MYLK: variants seen among roughly 807,000 people sequenced by gnomAD.
The protein encoded by MYLK is myosin light chain kinase, smooth muscle.
In MYLK, 106 loss-of-function variants were observed where a neutral mutation model predicts 203.4. The ratio of observed to expected loss-of-function variants is 0.52; its 90% CI spans 0.45 to 0.61. The LOEUF (loss-of-function observed/expected upper bound fraction) is 0.61. MYLK is among the 20% of genes least tolerant of loss of function. MYLK has a pLI of 0.00. For missense variants in MYLK, 2,072 were observed against 2,442.3 expected (o/e 0.85, Z 3.20); for synonymous variants, 867 against 959.5 (o/e 0.90, Z 1.78).
chr3:123,677,897 A>ATATG (rs1373793834), intron 20 of MYLK, among the ~76,000 whole-genome samples: 1 of 95,836 alleles, frequency 1.0e-5, no homozygotes, highest in Non-Finnish European at 1.9e-5. Context: ...ATATATATAT[A>ATATG]TATATATATA....
At chr3:123,851,880 T>A (rs892532596) in intron 2 of MYLK, among the ~76,000 whole-genome samples, 4 of 152,080 alleles carry the variant, frequency 2.6e-5, no homozygotes, top group Middle Eastern at 3.2e-3. Flanking sequence ...TGGCTGTGGG[T>A]TTGTCATAAA....
chr3:123,797,958 A>G (rs970843217), intron 3 of MYLK, among the ~76,000 whole-genome samples: 8 of 152,224 alleles, frequency 5.3e-5, no homozygotes, highest in African/African-American at 1.9e-4. Context: ...GCAAGGGTCT[A>G]TGAGTGAGAT....
intron 3 of MYLK, among the ~76,000 whole-genome samples, chr3:123,816,870 G>A (rs777037653): frequency 8.5e-4 from 129 of 152,286 alleles, no homozygotes; most frequent in Admixed American, 1.7e-3. Context: ...AGAAAGCTTC[G>A]GAATTTAAGA....
In MYLK at chr3:123,734,426, G is replaced by A. The variant is rs2062604504; in HGVS notation, c.774-204C>T. 3 of 538,354 alleles carry A rather than the reference G, an allele frequency of 5.6e-6. 1 individual carries two copies. Among genetic ancestry groups the A allele is most frequent in the Admixed American group, 7.3e-5 (2 of 27,566 alleles). 33.3% of individuals were successfully genotyped at this position (538,354 alleles called of 1,614,324 possible). On this transcript the variant is annotated intron_variant, in intron 9 of 33. Coordinates refer to ENST00000360304, the MANE Select transcript of MYLK (RefSeq NM_053025.4). ...GCACAAGCAGCCATTCCCGACACTT[G>A]CCTGTCCCACAACCCTGCCCAGAGC...
chr3:123,699,552 C>T (rs1267936116), intron 18 of MYLK, among the ~76,000 whole-genome samples: 1 of 152,176 alleles, frequency 6.6e-6, no homozygotes, highest in East Asian at 1.9e-4. Flanking sequence ...CACTGCACAC[C>T]GTTCCCCAAA....
At chr3:123,628,018 TGAG>T (rs1274316532) in intron 30 of MYLK, among the ~76,000 whole-genome samples, 1 of 152,228 alleles carries the variant, frequency 6.6e-6, no homozygotes, top group Non-Finnish European at 1.5e-5. Flanking sequence ...CCAGAGTTAC[TGAG>T]GAGGTTTCCA....
At chr3:123,745,888 C>A (rs1445820994) in intron 5 of MYLK, among the ~76,000 whole-genome samples, 1 of 152,016 alleles carries the variant, frequency 6.6e-6, no homozygotes, top group Non-Finnish European at 1.5e-5. Flanking sequence ...GATGGAGTCT[C>A]ACTCTGTCGC....
At chr3:123,654,018 G>GTA (rs1262272796) in intron 24 of MYLK, among the ~76,000 whole-genome samples, 20 of 151,556 alleles carry the variant, frequency 1.3e-4, no homozygotes, top group Non-Finnish European at 2.7e-4. Context: ...GTGTGTGTGT[G>GTA]TGTGTGTGTG....
At position 123,838,936 on chromosome 3, in the gene MYLK, A is replaced by T. The variant is rs187932989; in HGVS notation, c.-126-7266T>A. 1.1e-3 allele frequency among the ~76,000 whole-genome samples: 172 copies of T among 152,186 alleles called. 1 individual carries two copies. Among genetic ancestry groups the T allele is most frequent in the African/African-American group, 3.9e-3 (163 of 41,524 alleles). ...ATGGTGAAACCCCATCTCTACTAAA[A>T]ATACAAAAATTAGTCAGGCATGGCG... On this transcript the variant is annotated intron_variant, in intron 2 of 33. Transcript: ENST00000360304.
chr3:123,632,560 C>T (rs957625520), intron 29 of MYLK, among the ~76,000 whole-genome samples: 41 of 152,158 alleles, frequency 2.7e-4, no homozygotes, highest in African/African-American at 9.9e-4. Flanking sequence ...GGCAGCCTAT[C>T]CATCTGAAAT....
At chr3:123,840,591 G>C (rs866738070) in intron 2 of MYLK, among the ~76,000 whole-genome samples, 1 of 151,016 alleles carries the variant, frequency 6.6e-6, no homozygotes, top group African/African-American at 2.4e-5. Flanking sequence ...ATGAAAATAA[G>C]ATAAAGACAT....
chr3:123,837,275 A>AC (rs2066495401), intron 2 of MYLK, among the ~76,000 whole-genome samples: 1 of 151,514 alleles, frequency 6.6e-6, no homozygotes, highest in African/African-American at 2.4e-5. Context: ...CAGGTGATCC[A>AC]CCCCCTTGGC....
At chr3:123,682,107 C>T (rs749666429) in intron 20 of MYLK, 117 bp downstream of exon 20, 2 of 803,590 alleles carry the variant, frequency 2.5e-6, no homozygotes, top group South Asian at 2.9e-5. Context: ...CATCAGACTT[C>T]CAGGGATTCA....
At chr3:123,790,499 G>A (rs1425999511) in intron 4 of MYLK, among the ~76,000 whole-genome samples, 1 of 152,166 alleles carries the variant, frequency 6.6e-6, no homozygotes, top group East Asian at 1.9e-4. Flanking sequence ...GTCGTTTGGA[G>A]CTCCTTGGAA....
chr3:123,843,224 A>G (rs893076877), intron 2 of MYLK, among the ~76,000 whole-genome samples: 1 of 152,222 alleles, frequency 6.6e-6, no homozygotes, highest in African/African-American at 2.4e-5. Flanking sequence ...CAGATGTCAA[A>G]AATACTGGAA....
At chr3:123,701,141 C>T in intron 17 of MYLK, 136 bp from the exon 18 acceptor site, 3 of 1,254,212 alleles carry the variant, frequency 2.4e-6, no homozygotes, top group South Asian at 1.3e-5. Flanking sequence ...GCCGGCCAGG[C>T]TGTGTTTATA....
chr3:123,726,440 C>G (rs755071728), intron 11 of MYLK, among the ~76,000 whole-genome samples: 6 of 152,182 alleles, frequency 3.9e-5, no homozygotes, highest in Non-Finnish European at 8.8e-5. Flanking sequence ...TGGTCCTACT[C>G]TATTTTCTAG....
chr3:123,854,587 G>C (rs957203836), intron 2 of MYLK, among the ~76,000 whole-genome samples: 1 of 151,904 alleles, frequency 6.6e-6, no homozygotes, highest in African/African-American at 2.4e-5. Context: ...GGGAACAATA[G>C]ACACTGGTGA....
intron 4 of MYLK, among the ~76,000 whole-genome samples, chr3:123,775,149 A>G (rs982448839): frequency 3.9e-5 from 6 of 152,114 alleles, no homozygotes; most frequent in Non-Finnish European, 5.9e-5. Context: ...TTAGCCTCTC[A>G]GTAGCTGGGA....
Sources: allele counts gnomAD v4.1 joint callset (sites outside exome capture counted in the v4.1 genomes callset), GRCh38; gene constraint gnomAD v4.1.1; transcripts MANE v1.5; gene names NCBI Gene and HGNC (gene_info 2026-07-23, HGNC 2026-07-21).